The following PRRX2 variants were observed in gnomAD, a reference collection of about 807,000 sequenced individuals.
PRRX2 encodes the protein paired mesoderm homeobox protein 2.
A neutral mutation model predicts 18.0 loss-of-function variants in PRRX2; 11 were observed. That is an observed-to-expected ratio of 0.61 (90% CI 0.39 to 1.01). PRRX2 has a LOEUF of 1.01. Ranked by LOEUF, PRRX2 falls within the 50% of genes least tolerant of loss-of-function variation. The pLI, the probability that PRRX2 is intolerant of heterozygous loss-of-function variation, is 0.01. For synonymous variants in PRRX2, 177 were observed against 154.8 expected, an observed-to-expected ratio of 1.14 and a Z score of -1.06; for missense variants, 387 against 351.0, an observed-to-expected ratio of 1.10 and a Z score of -0.82.
chr9:129,707,147 T>C (rs758178491), intron 1 of PRRX2, among the ~76,000 whole-genome samples: 9 of 152,010 alleles, frequency 5.9e-5, no homozygotes, highest in Non-Finnish European at 1.3e-4. Context: ...TCTCAGCTAC[T>C]TGGGAAGCTG....
At chr9:129,669,076 G>C (rs1832066521) in intron 1 of PRRX2, among the ~76,000 whole-genome samples, 1 of 151,576 alleles carries the variant, frequency 6.6e-6, no homozygotes, top group Non-Finnish European at 1.5e-5. Flanking sequence ...AAGAAAGAAA[G>C]AAAGAAAAAT....
At chr9:129,718,266 T>G (rs1832740273) in intron 1 of PRRX2, among the ~76,000 whole-genome samples, 1 of 152,116 alleles carries the variant, frequency 6.6e-6, no homozygotes. Flanking sequence ...CTCTAACTGA[T>G]TGGAGAACTC....
chr9:129,666,613 G>C (rs1253626193), intron 1 of PRRX2, among the ~76,000 whole-genome samples: 2 of 122,772 alleles, frequency 1.6e-5, no homozygotes, highest in African/African-American at 6.4e-5. Flanking sequence ...CAGCTGCCTC[G>C]GTGGAACGGC....
chr9:129,678,610 G>A (rs976405275), intron 1 of PRRX2, among the ~76,000 whole-genome samples: 4 of 152,182 alleles, frequency 2.6e-5, no homozygotes, highest in African/African-American at 9.7e-5. Flanking sequence ...AACAGCAGAC[G>A]GAAAGGCTCC....
chr9:129,705,301 T>G (rs2130927056), intron 1 of PRRX2, among the ~76,000 whole-genome samples: 1 of 152,270 alleles, frequency 6.6e-6, no homozygotes, highest in East Asian at 1.9e-4. Flanking sequence ...GAGGGGAGGC[T>G]CCTGCTAGGG....
At chr9:129,701,928 A>C (rs1192028355) in intron 1 of PRRX2, among the ~76,000 whole-genome samples, 1 of 151,898 alleles carries the variant, frequency 6.6e-6, no homozygotes, top group African/African-American at 2.4e-5. Context: ...GTGAAACCCC[A>C]TCCATACTAA....
At chr9:129,680,744 C>G (rs936541752) in intron 1 of PRRX2, among the ~76,000 whole-genome samples, 4 of 152,204 alleles carry the variant, frequency 2.6e-5, no homozygotes, top group African/African-American at 9.7e-5. Context: ...CTGCCCAGCC[C>G]TGCCTGGCGA....
chr9:129,722,070 ACAGCTCCAAATCAC>A lies in PRRX2; in HGVS notation c.627-145_627-132del, dbSNP rs1564157775. On this transcript the variant is annotated intron_variant, in intron 3 of 3. Transcript: ENST00000372469. Reference sequence around the variant, plus strand: ...GACTTCTGACTCCTGCCCAAACCCTACAGCTCCAAATCACCCCCAGTCCTGGGTGAAGGCTGCCC... The same window carrying A: ...GACTTCTGACTCCTGCCCAAACCCTACCCCAGTCCTGGGTGAAGGCTGCCC... 8.4e-6 allele frequency: 10 copies of A among 1,185,032 alleles called. No individual in the cohort carries two copies. In the African/African-American group the frequency reaches 1.5e-4, roughly 18 times the overall value. The allele number at this position is 1,185,032 out of a possible 1,614,324, so 73.4% of individuals were successfully genotyped here. A position where few individuals can be genotyped will look rare whatever the true frequency, so the allele number is the denominator to read the frequency against.
intron 1 of PRRX2, among the ~76,000 whole-genome samples, chr9:129,698,394 GC>G (rs1832455602): frequency 6.6e-6 from 1 of 152,076 alleles, no homozygotes; most frequent in African/African-American, 2.4e-5. Context: ...AAGAGGGCTT[GC>G]CCAGGGCTTG....
At position 129,675,874 on chromosome 9, in the gene PRRX2, G is replaced by A. The variant is rs968610386; in HGVS notation, c.259+9748G>A. Among the ~76,000 whole-genome samples the A allele has an allele frequency of 4.6e-5, 7 of 152,192 alleles. No homozygotes were observed. The highest frequency in any genetic ancestry group is 8.8e-5 in the Non-Finnish European group (6 of 68,028). On this transcript the variant is annotated intron_variant, in intron 1 of 3. Coordinates refer to ENST00000372469, the MANE Select transcript of PRRX2 (RefSeq NM_016307.4). This position sits in a 1 kb window ranked among gnomAD's most constrained non-coding sequence, Gnocchi z 4.4. ...CCTCCCGTATAAAACCCCGCAGAACGCCGAGGTCTTGAAAGCCAGTGCACC... is the reference window on the plus strand; with the variant it reads ...CCTCCCGTATAAAACCCCGCAGAACACCGAGGTCTTGAAAGCCAGTGCACC...
chr9:129,691,714 T>C (rs1012602853), intron 1 of PRRX2, among the ~76,000 whole-genome samples: 1 of 151,634 alleles, frequency 6.6e-6, no homozygotes. Flanking sequence ...GGTCTAGCTC[T>C]GTCATCCAGG....
At chr9:129,721,948 G>GGTAC (rs1323980588) in intron 3 of PRRX2, among the ~76,000 whole-genome samples, 1 of 152,092 alleles carries the variant, frequency 6.6e-6, no homozygotes, top group Non-Finnish European at 1.5e-5. Context: ...CCAGGCCCAG[G>GGTAC]GTACGCATGG....
chr9:129,673,279 C>A (rs1003177195), intron 1 of PRRX2, among the ~76,000 whole-genome samples: 1 of 152,068 alleles, frequency 6.6e-6, no homozygotes, highest in Non-Finnish European at 1.5e-5. Context: ...CAAGACCTTG[C>A]CTCTACAAAC....
rs762929485 is a variant in PRRX2 at position 129,715,750 on chromosome 9, T to TCTCTCTCTCTCTCTCACACA, written c.260-3480_260-3479insTCTCTCTCTCTCTCACACAC. Among the ~76,000 whole-genome samples the TCTCTCTCTCTCTCTCACACA allele has an allele frequency of 5.8e-4, 80 of 138,950 alleles. No individual in the cohort carries two copies. The East Asian group carries it at 8.0e-3, about 14-fold the overall frequency. The allele number at this position is 138,950 out of a possible 152,430, so 91.2% of individuals were successfully genotyped here. ...AAACCCAGCTTCAGGGACATCTTTCTCACACACACACACACACACACACAC... is the reference window on the plus strand; with the variant it reads ...AAACCCAGCTTCAGGGACATCTTTCTCTCTCTCTCTCTCTCACACACACACACACACACACACACACACAC... On this transcript the variant is annotated intron_variant, in intron 1 of 3. Coordinates refer to ENST00000372469, the MANE Select transcript of PRRX2 (RefSeq NM_016307.4). This position sits in a 1 kb window ranked among gnomAD's most constrained non-coding sequence, Gnocchi z 4.0.
chr9:129,674,888 C>T (rs1832144875), intron 1 of PRRX2, among the ~76,000 whole-genome samples: 1 of 152,172 alleles, frequency 6.6e-6, no homozygotes, highest in Non-Finnish European at 1.5e-5. Context: ...GTCAGAATCA[C>T]CCAGGGAGCT....
At chr9:129,700,314 T>TG (rs1276964980) in intron 1 of PRRX2, among the ~76,000 whole-genome samples, 2 of 149,392 alleles carry the variant, frequency 1.3e-5, no homozygotes, top group African/African-American at 5.0e-5. Context: ...GGGTGCTGTA[T>TG]TTTTTTTTGG....
chr9:129,694,504 C>T (rs896490818), intron 1 of PRRX2, among the ~76,000 whole-genome samples: 2 of 152,184 alleles, frequency 1.3e-5, no homozygotes, highest in African/African-American at 4.8e-5. Context: ...TCCCTTCTGA[C>T]TCTGACATTC....
Position 129,722,245 on chromosome 9 carries a change from T to C in PRRX2, c.655T>C (p.Ser219Pro), listed in dbSNP as rs1218237518. The C allele has an allele frequency of 5.0e-6, 8 of 1,613,734 alleles. No homozygotes were observed. The highest frequency in any genetic ancestry group is 5.9e-6 in the Non-Finnish European group (7 of 1,179,970). ...STVPPYSPGSSGPATPGVNMA... is the reference protein window; with the variant it reads ...STVPPYSPGSPGPATPGVNMA... ...AGTGCCACCCTACAGCCCTGGGAGC[T>C]CAGGCCCCGCAACCCCAGGGGTCAA... Residue 219 changes from serine to proline, a missense_variant, in exon 4 of 4, where the codon TCA (serine) becomes CCA (proline). Transcript: ENST00000372469.
In PRRX2 at chr9:129,719,352, C is replaced by G; in HGVS notation, c.381C>G (p.His127Gln). The G allele has an allele frequency of 6.3e-7, 1 of 1,585,934 alleles. No homozygotes were observed. The highest frequency in any genetic ancestry group is 8.6e-7 in the Non-Finnish European group (1 of 1,167,022). The change falls in exon 2 of 4, where the codon CAC becomes CAG. Residue 127 changes from histidine to glutamine, a missense_variant. By Grantham distance (24) the His-to-Gln change is conservative (BLOSUM62 0). Transcript: ENST00000372469. The part of the protein sequence containing the change: ...QALERVFERT[H>Q]YPDAFVREEL... ...TGGAGCGCGTGTTCGAGCGCACGCA[C>G]TACCCCGACGCCTTTGTGCGCGAGG...
Sources: gnomAD v4.1 joint callset for allele counts (sites outside exome capture counted in the v4.1 genomes callset) on GRCh38, gnomAD v4.1.1 for gene constraint, Gnocchi (gnomAD v3.1) non-coding constraint, MANE v1.5 for transcripts, NCBI Gene and HGNC (gene_info 2026-07-23, HGNC 2026-07-21) for gene names.